SYT7: variants seen among roughly 807,000 people sequenced by gnomAD.
SYT7 encodes the protein synaptotagmin 7.
Under a neutral mutation model 75.1 loss-of-function variants are expected in SYT7, and 29 were observed. The ratio of observed to expected loss-of-function variants is 0.39; its 90% CI spans 0.29 to 0.53. The LOEUF (loss-of-function observed/expected upper bound fraction) is 0.53, where lower values mean the gene tolerates loss of function less well. SYT7 is among the 20% of genes least tolerant of loss of function. SYT7 has a pLI of 0.77. For synonymous variants in SYT7, 376 were observed against 401.7 expected (o/e 0.94, Z 0.76); for missense variants, 693 against 953.2 (o/e 0.73, Z 3.59).
chr11:61,515,609 C>T lies in SYT7; in HGVS notation c.*3018G>A, dbSNP rs80128436. 1 of 152,580 alleles carries T rather than the reference C, an allele frequency of 6.6e-6. No homozygotes were observed. The highest frequency in any genetic ancestry group is 2.1e-4 in the South Asian group (1 of 4,814). The allele number at this position is 152,580 out of a possible 1,614,324, so 9.5% of individuals were successfully genotyped here. A position where few individuals can be genotyped will look rare whatever the true frequency, so the allele number is the denominator to read the frequency against. ...CCACCAATCCCCACCCCTGGGGCTC[C>T]GGGGAGCCCCCCTGGCTTGTTTGTG... is the stretch of plus-strand genomic sequence containing the variant. On this transcript the variant is annotated 3_prime_UTR_variant, in exon 13 of 13. Transcript: ENST00000539008.
rs142693700 is a variant in SYT7, at chr11:61,530,677, T to G, written c.1200+2312A>C. 1.8e-4 allele frequency among the ~76,000 whole-genome samples: 27 copies of G among 152,308 alleles called. 1 individual carries two copies. Among genetic ancestry groups the G allele is most frequent in the Admixed American group, 3.3e-4 (5 of 15,294 alleles). On this transcript the variant is annotated intron_variant, in intron 8 of 12. Coordinates refer to ENST00000539008, the MANE Select transcript of SYT7 (RefSeq NM_001365809.2). ...GCTGGTGACTGAAGCCCAGCTGGCCTCAGCCCCACCTGAGGTCCCTCTGGT... is the reference window on the plus strand; with the variant it reads ...GCTGGTGACTGAAGCCCAGCTGGCCGCAGCCCCACCTGAGGTCCCTCTGGT...
the SYT7 span, among the ~76,000 whole-genome samples, chr11:61,588,016 G>A: frequency 0.018 from 2,696 of 152,332 alleles, 36 homozygotes; most frequent in South Asian, 0.037. Flanking sequence ...ACCTTAGTGG[G>A]GGTGGGGCCT....
intron 8 of SYT7, chr11:61,531,182 G>A (rs2062693682): frequency 1.0e-6 from 1 of 973,512 alleles, no homozygotes; most frequent in Admixed American, 6.2e-5. Context: ...ACCTAGCATT[G>A]GCACAGAGCT....
intron 8 of SYT7, 106 bp downstream of exon 8, chr11:61,532,883 C>T: frequency 2.0e-6 from 3 of 1,489,620 alleles, no homozygotes; most frequent in Non-Finnish European, 2.7e-6. Context: ...AGTTCCCTGC[C>T]TGGCCACTCC....
rs1452356548 is a variant in SYT7 at position 61,576,185 on chromosome 11, C to A, written c.31+4605G>T. Among the ~76,000 whole-genome samples the A allele has an allele frequency of 6.6e-6, 1 of 152,238 alleles. No homozygotes were observed. Among genetic ancestry groups the A allele is most frequent in the South Asian group, 2.1e-4 (1 of 4,836 alleles). On this transcript the variant is annotated intron_variant, in intron 1 of 12. Coordinates refer to ENST00000539008, the MANE Select transcript of SYT7 (RefSeq NM_001365809.2). The surrounding 1 kb of genome is among the most constrained non-coding windows in gnomAD (Gnocchi z 4.1). ...CCTTGGGGAATTCTGCTGGGTGAGA[C>A]CAAAGCCCTGCCCTGCAGACACTAG...
Position 61,534,967 on chromosome 11 carries a change from T to G in SYT7, c.1065-1843A>C, listed in dbSNP as rs561831778. 8.5e-5 allele frequency among the ~76,000 whole-genome samples: 13 copies of G among 152,052 alleles called. No homozygotes were observed. The South Asian group carries it at 1.5e-3, about 17-fold the overall frequency. On this transcript the variant is annotated intron_variant, in intron 7 of 12. Coordinates refer to ENST00000539008, the MANE Select transcript of SYT7 (RefSeq NM_001365809.2). ...ACAGAGTGGAAGAGCAGGGAGAGTG[T>G]GAGATTGACTGCTGAAGATATGAGA...
chr11:61,544,600 C>A (rs1369297887), intron 5 of SYT7, among the ~76,000 whole-genome samples: 2 of 152,256 alleles, frequency 1.3e-5, no homozygotes, highest in Admixed American at 6.5e-5. Context: ...TGCCTCCTCC[C>A]CCTCCTTGGT....
At chr11:61,566,049 G>A (rs2063758086) in intron 1 of SYT7, among the ~76,000 whole-genome samples, 1 of 152,248 alleles carries the variant, frequency 6.6e-6, no homozygotes, top group Non-Finnish European at 1.5e-5. Flanking sequence ...GGATCCACAA[G>A]CACTCCTACT....
chr11:61,585,207 C>T (rs11230743), upstream of SYT7, among the ~76,000 whole-genome samples: 7,745 of 152,300 alleles, frequency 0.051, 398 homozygotes, highest in African/African-American at 0.13. Context: ...TGGCCTCTAC[C>T]TGGCATGGTC....
At chr11:61,581,748 A>G (rs2064280977), upstream of SYT7, among the ~76,000 whole-genome samples, 1 of 152,190 alleles carries the variant, frequency 6.6e-6, no homozygotes, top group South Asian at 2.1e-4. Flanking sequence ...AGAAGAAAAT[A>G]GACTTTTCAG....
At chr11:61,527,873 G>T (rs1277108147) in intron 9 of SYT7, 42 bp downstream of exon 9, 16 of 1,605,524 alleles carry the variant, frequency 1.0e-5, no homozygotes, top group Non-Finnish European at 1.4e-5. Flanking sequence ...ATGGTAGACA[G>T]CAAGAGGTGA....
intron 12 of SYT7, among the ~76,000 whole-genome samples, chr11:61,520,009 T>C (rs1486996180): frequency 2.1e-5 from 3 of 140,984 alleles, no homozygotes; most frequent in African/African-American, 7.5e-5. Context: ...TTAGTAGAGA[T>C]GGGTTTCACT....
At chr11:61,533,621 C>T (rs2062778121) in intron 7 of SYT7, 8 of 985,248 alleles carry the variant, frequency 8.1e-6, no homozygotes, top group Admixed American at 1.2e-4. Flanking sequence ...TGCTTGGGCT[C>T]ATCAAGAGTT....
Position 61,547,058 on chromosome 11 carries a change from G to T in SYT7, c.347+119C>A, listed in dbSNP as rs74728192. ...GGGTGGATGGGTGGGGAAGTTGGGG[G>T]ACAGGAGCGAGAGGAGAGAGGGAGT... On this transcript the variant is annotated intron_variant, in intron 4 of 12. Transcript: ENST00000539008. 2,517 of 1,284,696 alleles carry T rather than the reference G, an allele frequency of 2.0e-3. 34 individuals carry two copies. The African/African-American group carries it at 0.033, about 17-fold the overall frequency. The allele number at this position is 1,284,696 out of a possible 1,614,324, so 79.6% of individuals were successfully genotyped here.
upstream of SYT7, among the ~76,000 whole-genome samples, chr11:61,582,075 A>G (rs1400995297): frequency 6.7e-6 from 1 of 148,748 alleles, no homozygotes; most frequent in Non-Finnish European, 1.5e-5. Context: ...TACACACGTA[A>G]TCACCTACAT....
At chr11:61,532,819 C>T (rs768750076) in intron 8 of SYT7, among the ~76,000 whole-genome samples, 170 bp downstream of exon 8, 5 of 152,188 alleles carry the variant, frequency 3.3e-5, no homozygotes, top group African/African-American at 4.8e-5. Context: ...GCTCAGTCAC[C>T]AAGCGCCGAG....
intron 1 of SYT7, among the ~76,000 whole-genome samples, chr11:61,574,628 T>C (rs1590957656): frequency 6.6e-6 from 1 of 151,314 alleles, no homozygotes; most frequent in South Asian, 2.1e-4. Context: ...CATCCTTGGA[T>C]GGGGGTCAGG....
rs775485372 is a variant in SYT7, at chr11:61,528,153, G to A, written c.1233C>T (p.His411=). The change falls in exon 9 of 13, where the codon CAC becomes CAT. Residue 411 remains histidine (H), a synonymous_variant. Transcript: ENST00000539008. The stretch of plus-strand genomic sequence containing the variant: ...CCAGGTTCTCTCGGCTGCAACCCTC[G>A]TGGGCCTCATCCTCCTCGGAGCCTG... ...LSPGSEEDEA[H]EGCSRENLGR... is the part of the protein sequence containing the mutation. The A allele has an allele frequency of 5.6e-6, 9 of 1,612,482 alleles. No homozygotes were observed. Among genetic ancestry groups the A allele is most frequent in the South Asian group, 1.1e-5 (1 of 91,072 alleles).
rs368961138 is a variant in SYT7, at chr11:61,528,140, G to A, written c.1246C>T (p.Arg416Ter). Residue 416 changes from arginine to a stop codon, truncating the protein, a stop_gained, in exon 9 of 13, where the codon CGA (arginine) becomes TGA (stop). Coordinates refer to ENST00000539008, the MANE Select transcript of SYT7 (RefSeq NM_001365809.2). LOFTEE classifies it high-confidence loss of function. ...EEDEAHEGCS[R>*]ENLGRIQFSV... ...AACTGGATCCGGCCCAGGTTCTCTC[G>A]GCTGCAACCCTCGTGGGCCTCATCC... 3.1e-6 allele frequency: 5 copies of A among 1,613,090 alleles called. No individual in the cohort carries two copies. The highest frequency in any genetic ancestry group is 4.2e-6 in the Non-Finnish European group (5 of 1,179,996).
Sources: allele counts gnomAD v4.1 joint callset (sites outside exome capture counted in the v4.1 genomes callset), GRCh38; gene constraint gnomAD v4.1.1; non-coding constraint Gnocchi (gnomAD v3.1); transcripts MANE v1.5; gene names NCBI Gene and HGNC (gene_info 2026-07-23, HGNC 2026-07-21).